The following VAMP7 variants were observed in gnomAD, a reference collection of about 807,000 sequenced individuals.
VAMP7 encodes vesicle-associated membrane protein 7.
A neutral mutation model predicts 29.6 loss-of-function variants in VAMP7; 14 were observed. The observed-to-expected ratio is 0.47, with a 90% CI of 0.31 to 0.74. The LOEUF (loss-of-function observed/expected upper bound fraction) is 0.74, where lower values mean the gene tolerates loss of function less well. VAMP7 is among the 30% of genes least tolerant of loss of function. VAMP7 has a pLI of 0.05. For missense variants in VAMP7, 223 were observed against 262.4 expected, an observed-to-expected ratio of 0.85 and a Z score of 1.04; for synonymous variants, 95 against 88.1, an observed-to-expected ratio of 1.08 and a Z score of -0.44.
At chrX:155,932,666 A>G (rs2066579909) in intron 6 of VAMP7, among the ~76,000 whole-genome samples, 1 of 152,100 alleles carries the variant, frequency 6.6e-6, no homozygotes, top group African/African-American at 2.4e-5. Context: ...GGACAATTTG[A>G]TTTCCTCTTT....
chrX:155,887,790 A>C (rs1455455213), intron 1 of VAMP7, among the ~76,000 whole-genome samples: 11 of 151,900 alleles, frequency 7.2e-5, no homozygotes, highest in Admixed American at 7.2e-4. Context: ...AAATAGCCGG[A>C]CATGGTGGCA....
intron 5 of VAMP7, among the ~76,000 whole-genome samples, 160 bp downstream of exon 5, chrX:155,900,747 A>G (rs1223054365): frequency 6.6e-6 from 1 of 152,056 alleles, no homozygotes; most frequent in Admixed American, 6.6e-5. Flanking sequence ...TGCTTGTGCA[A>G]ATGGTTTCTT....
intron 6 of VAMP7, 93 bp from the exon 7 acceptor site, chrX:155,939,608 G>A: frequency 1.1e-6 from 1 of 907,224 alleles, no homozygotes; most frequent in Non-Finnish European, 1.8e-6. Flanking sequence ...GGACTTAAAT[G>A]GAATTAATGG....
At position 155,897,120 on chromosome X, in the gene VAMP7, A is replaced by G. The variant is rs779649035; in HGVS notation, c.205-992A>G. ...ATATCTGTAACTGTGATGGTATACA[A>G]AAAAAGATTTCTGTTGGTGACAGTT... On this transcript the variant is annotated intron_variant, in intron 3 of 7. Transcript: ENST00000286448. Among the ~76,000 whole-genome samples, 4 of 152,246 alleles carry G rather than the reference A, an allele frequency of 2.6e-5. No homozygotes were observed. In the East Asian group the frequency reaches 5.8e-4, roughly 22 times the overall value.
At chrX:155,885,429 T>C (rs775678159) in intron 1 of VAMP7, among the ~76,000 whole-genome samples, 1 of 152,302 alleles carries the variant, frequency 6.6e-6, no homozygotes, top group South Asian at 2.1e-4. Flanking sequence ...TTTGCATTGC[T>C]TGTCAGCCTT....
chrX:155,893,545 A>G (rs1056243291), intron 2 of VAMP7, among the ~76,000 whole-genome samples: 11 of 152,156 alleles, frequency 7.2e-5, no homozygotes, highest in African/African-American at 1.2e-4. Context: ...TGAACAACAG[A>G]TACTTGTTTC....
In VAMP7 at chrX:155,942,118, A is replaced by G; in HGVS notation, c.*167A>G. ...ATGCCTCCAGGTTTATCTTTGTCTT[A>G]TCTACCAGTTTATTCCTGTGAACTT... On this transcript the variant is annotated 3_prime_UTR_variant, in exon 8 of 8. Coordinates refer to ENST00000286448, the MANE Select transcript of VAMP7 (RefSeq NM_005638.6). 6.4e-7 allele frequency: 1 copy of G among 1,552,510 alleles called. No individual in the cohort carries two copies. Among genetic ancestry groups the G allele is most frequent in the Non-Finnish European group, 8.7e-7 (1 of 1,147,256 alleles).
intron 4 of VAMP7, 70 bp downstream of exon 4, chrX:155,898,319 AG>A (rs1290908300): frequency 7.0e-6 from 11 of 1,564,864 alleles, no homozygotes; most frequent in Non-Finnish European, 9.5e-6. Flanking sequence ...CTATGAATCT[AG>A]GGGGCCCTGA....
rs2124416772 is a variant in VAMP7 at position 155,941,953 on chromosome X, A to G, written c.*2A>G. The G allele has an allele frequency of 6.2e-7, 1 of 1,613,822 alleles. No individual in the cohort carries two copies. The highest frequency in any genetic ancestry group is 8.5e-7 in the Non-Finnish European group (1 of 1,179,832). On this transcript the variant is annotated 3_prime_UTR_variant, in exon 8 of 8. Coordinates refer to ENST00000286448, the MANE Select transcript of VAMP7 (RefSeq NM_005638.6). ...TGGCCAAGCTGTGTGAAGAAATAGG[A>G]AAGAAGAAGTTACCATTAACCAAGG...
At chrX:155,888,600 G>T (rs911348877) in intron 1 of VAMP7, among the ~76,000 whole-genome samples, 3 of 152,142 alleles carry the variant, frequency 2.0e-5, no homozygotes, top group African/African-American at 7.2e-5. Flanking sequence ...GGAAATAATA[G>T]CACATATTCA....
chrX:155,929,195 G>C (rs1335124596), intron 6 of VAMP7, among the ~76,000 whole-genome samples: 1 of 152,114 alleles, frequency 6.6e-6, no homozygotes, highest in Non-Finnish European at 1.5e-5. Flanking sequence ...TTTTATTTGG[G>C]CCAAGTTTGA....
chrX:155,932,685 G>GAATA (rs778074653), intron 6 of VAMP7, among the ~76,000 whole-genome samples: 107 of 152,164 alleles, frequency 7.0e-4, no homozygotes, highest in African/African-American at 2.5e-3. Context: ...TTTCATAATT[G>GAATA]AATACCCTTT....
chrX:155,938,331 G>C (rs146607917), intron 6 of VAMP7, among the ~76,000 whole-genome samples: 4,045 of 152,238 alleles, frequency 0.027, 101 homozygotes, highest in African/African-American at 0.073. Flanking sequence ...ATCCTGTGCA[G>C]TCTTCATGAA....
intron 5 of VAMP7, among the ~76,000 whole-genome samples, chrX:155,909,773 C>A (rs2066210083): frequency 6.6e-6 from 1 of 152,158 alleles, no homozygotes; most frequent in African/African-American, 2.4e-5. Flanking sequence ...GTTCTCCCAT[C>A]AGGCAAGGAA....
At chrX:155,919,971 A>G (rs2066372242) in intron 6 of VAMP7, 91 bp downstream of exon 6, 1 of 1,074,666 alleles carries the variant, frequency 9.3e-7, no homozygotes, top group Admixed American at 2.3e-5. Flanking sequence ...CTTAAATTCA[A>G]ATATTTGGTG....
chrX:155,918,352 T>C (rs1229042432), intron 5 of VAMP7, among the ~76,000 whole-genome samples: 2 of 151,234 alleles, frequency 1.3e-5, no homozygotes, highest in African/African-American at 4.9e-5. Context: ...GCCACTGGGG[T>C]ATGAAAAAAA....
chrX:155,910,391 A>C (rs1056664457), intron 5 of VAMP7, among the ~76,000 whole-genome samples: 3 of 152,138 alleles, frequency 2.0e-5, no homozygotes, highest in African/African-American at 7.2e-5. Flanking sequence ...TATCTTTGCT[A>C]TTGTGAATAG....
rs148177585 is a variant in VAMP7, at chrX:155,896,240, C to T, written c.204+560C>T. On this transcript the variant is annotated intron_variant, in intron 3 of 7. Transcript: ENST00000286448. ...AATTTTGGTAGAGTTTTAGCTTAGC[C>T]TCTTGCAACTTCTATATTTATTCTA... 2.7e-3 allele frequency among the ~76,000 whole-genome samples: 410 copies of T among 152,230 alleles called. 1 individual carries two copies. Among genetic ancestry groups the T allele is most frequent in the Non-Finnish European group, 4.5e-3 (306 of 68,014 alleles).
intron 6 of VAMP7, among the ~76,000 whole-genome samples, chrX:155,920,171 C>A (rs1033671149): frequency 6.6e-6 from 1 of 152,126 alleles, no homozygotes; most frequent in African/African-American, 2.4e-5. Context: ...ACCTCAACTG[C>A]ATGTAACAGT....
Sources: gnomAD v4.1 joint callset for allele counts (sites outside exome capture counted in the v4.1 genomes callset) on GRCh38, gnomAD v4.1.1 for gene constraint, MANE v1.5 for transcripts, NCBI Gene and HGNC (gene_info 2026-07-23, HGNC 2026-07-21) for gene names.